The following SV2C variants were observed in gnomAD, a reference collection of about 807,000 sequenced individuals.
SV2C encodes solute carrier family 22 member B3.
In SV2C, 49 loss-of-function variants were observed where a neutral mutation model predicts 79.7. The ratio of observed to expected loss-of-function variants is 0.61; its 90% CI spans 0.49 to 0.78. The LOEUF (loss-of-function observed/expected upper bound fraction) is 0.78, where lower values mean the gene tolerates loss of function less well. Ranked by LOEUF, SV2C falls within the 30% of genes least tolerant of loss-of-function variation. SV2C has a pLI of 0.00. For synonymous variants in SV2C, 334 were observed against 333.2 expected (o/e 1.00, Z -0.03); for missense variants, 833 against 912.9 (o/e 0.91, Z 1.13).
At chr5:76,056,518 G>A in the SV2C span, among the ~76,000 whole-genome samples, 1 of 152,000 alleles carries the variant, frequency 6.6e-6, no homozygotes, top group Non-Finnish European at 1.5e-5. Context: ...AATGAGTTAG[G>A]TAGGAGTCCC....
chr5:76,051,571 A>G, the SV2C span, among the ~76,000 whole-genome samples: 2 of 152,260 alleles, frequency 1.3e-5, no homozygotes, highest in African/African-American at 2.4e-5. Context: ...TAATGTTTAC[A>G]TAATTTGCAA....
intron 1 of SV2C, among the ~76,000 whole-genome samples, chr5:76,093,856 A>G (rs74999418): frequency 8.3e-4 from 126 of 152,258 alleles, no homozygotes; most frequent in Middle Eastern, 3.4e-3. Context: ...CTTTGACATC[A>G]CTATTCCAAG....
At chr5:76,250,078 ATTC>A (rs1261043782) in intron 4 of SV2C, among the ~76,000 whole-genome samples, 2 of 152,200 alleles carry the variant, frequency 1.3e-5, no homozygotes, top group African/African-American at 4.8e-5. Context: ...GAAGACCTTA[ATTC>A]TTCATTGTGT....
the SV2C span, among the ~76,000 whole-genome samples, chr5:75,898,622 G>A: frequency 6.6e-6 from 1 of 152,040 alleles, no homozygotes; most frequent in Non-Finnish European, 1.5e-5. Flanking sequence ...TTTATTGATT[G>A]GAATAGTTTC....
intron 3 of SV2C, among the ~76,000 whole-genome samples, chr5:76,207,448 GAC>G (rs1202578212): frequency 2.0e-5 from 3 of 152,178 alleles, no homozygotes; most frequent in African/African-American, 4.8e-5. Flanking sequence ...AATTATTTGT[GAC>G]ACAGATATTT....
chr5:76,046,231 G>A, the SV2C span, among the ~76,000 whole-genome samples: 4 of 152,134 alleles, frequency 2.6e-5, no homozygotes, highest in African/African-American at 9.7e-5. Context: ...CAGGTTTAGA[G>A]AAACTAAGAC....
At chr5:76,073,503 G>GTGTATATATATATATA in the SV2C span, among the ~76,000 whole-genome samples, 6 of 67,444 alleles carry the variant, frequency 8.9e-5, no homozygotes, top group African/African-American at 2.0e-4. Context: ...GTATGTGTGT[G>GTGTATATATATATATA]TATATATATA....
the SV2C span, among the ~76,000 whole-genome samples, chr5:76,005,137 A>T: frequency 6.6e-6 from 1 of 152,168 alleles, no homozygotes. Flanking sequence ...GGTGACTTGT[A>T]GCTAATACAA....
At chr5:75,873,667 C>T in the SV2C span, among the ~76,000 whole-genome samples, 1 of 152,138 alleles carries the variant, frequency 6.6e-6, no homozygotes, top group Admixed American at 6.5e-5. Context: ...TTACAGGAAA[C>T]ATTACGTCTG....
At chr5:75,901,456 A>G in the SV2C span, among the ~76,000 whole-genome samples, 1 of 152,156 alleles carries the variant, frequency 6.6e-6, no homozygotes, top group South Asian at 2.1e-4. Context: ...GTTTTGTCTC[A>G]GAGGAGTACC....
chr5:75,957,489 A>G, the SV2C span, among the ~76,000 whole-genome samples: 7 of 152,038 alleles, frequency 4.6e-5, no homozygotes, highest in East Asian at 1.9e-4. Context: ...CTTATCTCCA[A>G]TCTACAATGG....
At chr5:76,029,271 C>T in the SV2C span, among the ~76,000 whole-genome samples, 1 of 152,208 alleles carries the variant, frequency 6.6e-6, no homozygotes, top group Non-Finnish European at 1.5e-5. Context: ...TTCAAAAATA[C>T]AATACATTGT....
At chr5:75,941,491 T>A in the SV2C span, among the ~76,000 whole-genome samples, 1 of 152,214 alleles carries the variant, frequency 6.6e-6, no homozygotes, top group African/African-American at 2.4e-5. Flanking sequence ...ATCCCCCTTA[T>A]CAAAATTACT....
At chr5:75,877,592 C>T in the SV2C span, among the ~76,000 whole-genome samples, 2 of 111,506 alleles carry the variant, frequency 1.8e-5, no homozygotes, top group African/African-American at 4.0e-5. Context: ...AATTTGAAAT[C>T]AATAGCAAAA....
intron 3 of SV2C, among the ~76,000 whole-genome samples, chr5:76,202,757 C>T (rs1411188232): frequency 6.6e-6 from 1 of 152,108 alleles, no homozygotes; most frequent in East Asian, 1.9e-4. Context: ...CATGTAGCTA[C>T]CAAGCACTTG....
intron 1 of SV2C, among the ~76,000 whole-genome samples, chr5:76,104,233 G>T (rs180693312): frequency 6.6e-6 from 1 of 152,304 alleles, no homozygotes; most frequent in African/African-American, 2.4e-5. Flanking sequence ...CAAGGCCCAC[G>T]GGAAGGGAGC....
chr5:75,976,282 ACTCTCTCTCTTTCT>A, the SV2C span, among the ~76,000 whole-genome samples: 1 of 151,754 alleles, frequency 6.6e-6, no homozygotes, highest in South Asian at 2.1e-4. Context: ...TCTCTCTCTC[ACTCTCTCTCTTTCT>A]CTCTCTCTCT....
chr5:75,900,852 T>C, the SV2C span, among the ~76,000 whole-genome samples: 15 of 152,356 alleles, frequency 9.8e-5, no homozygotes, highest in East Asian at 1.3e-3. Context: ...CCATCACTGA[T>C]ACCCTTTCTT....
chr5:76,280,590 G>A (rs753029582), intron 4 of SV2C, among the ~76,000 whole-genome samples: 3 of 152,164 alleles, frequency 2.0e-5, no homozygotes, highest in Non-Finnish European at 4.4e-5. Context: ...GATGGAGCCC[G>A]GCGTCCTTGG....
Sources: allele counts gnomAD v4.1 joint callset (sites outside exome capture counted in the v4.1 genomes callset), GRCh38; gene constraint gnomAD v4.1.1; transcripts MANE v1.5; gene names NCBI Gene and HGNC (gene_info 2026-07-23, HGNC 2026-07-21).